Variants in FBXW8 observed in about 807,000 individuals in gnomAD.
FBXW8 encodes F-box and WD repeat domain containing 8.
Under a neutral mutation model 65.3 loss-of-function variants are expected in FBXW8, and 57 were observed. The observed-to-expected ratio is 0.87, with a 90% confidence interval of 0.71 to 1.09. The LOEUF is 1.09. Ranked by LOEUF, FBXW8 falls within the 50% of genes least tolerant of loss-of-function variation. The pLI is 0.00. For missense variants in FBXW8, 777 were observed against 814.8 expected (o/e 0.95, Z 0.57); for synonymous variants, 308 against 330.2 (o/e 0.93, Z 0.73).
In FBXW8 at chr12:116,997,877, G is replaced by A. The variant is rs147213052; in HGVS notation, c.1239+9008G>A. Among the ~76,000 whole-genome samples the A allele has an allele frequency of 8.0e-3, 1,225 of 152,206 alleles. 13 individuals carry two copies. The highest frequency in any genetic ancestry group is 0.026 in the African/African-American group (1,064 of 41,538). ...ATCACCCAGGCCAGAGTGCAGTGGC[G>A]CCATCTCAGCTCACTACAACCTCTG... On this transcript the variant is annotated intron_variant, in intron 7 of 10. Transcript: ENST00000652555.
At chr12:116,928,839 T>G (rs1881545917) in intron 2 of FBXW8, among the ~76,000 whole-genome samples, 3 of 152,010 alleles carry the variant, frequency 2.0e-5, no homozygotes, top group Admixed American at 2.0e-4. Flanking sequence ...GAGATGGAGT[T>G]TTGCTCTGTC....
rs748225803 is a variant in FBXW8, at chr12:116,911,000, G to A, written c.-38G>A. Reference sequence around the variant, plus strand: ...GCGGGACTGTCTCGTGGCACCCGGTGGAACCGAGGAGAACGTGGAGCGCCG... The same window carrying A: ...GCGGGACTGTCTCGTGGCACCCGGTAGAACCGAGGAGAACGTGGAGCGCCG... On this transcript the variant is annotated 5_prime_UTR_variant, in exon 1 of 11. Transcript: ENST00000652555. 88 of 1,364,368 alleles carry A rather than the reference G, an allele frequency of 6.4e-5. No individual in the cohort carries two copies. The highest frequency in any genetic ancestry group is 1.1e-4 in the Admixed American group (3 of 26,144). The allele number at this position is 1,364,368 out of a possible 1,614,324, so 84.5% of individuals were successfully genotyped here. A position where few individuals can be genotyped will look rare whatever the true frequency, so the allele number is the denominator to read the frequency against.
chr12:116,943,160 T>C lies in FBXW8; in HGVS notation c.424-2204T>C, dbSNP rs953683016. Among the ~76,000 whole-genome samples, 96 of 152,226 alleles carry C rather than the reference T, an allele frequency of 6.3e-4. 1 individual carries two copies. Among genetic ancestry groups the C allele is most frequent in the African/African-American group, 2.1e-3 (89 of 41,462 alleles). Reference sequence around the variant, plus strand: ...TTTAGTATTTTGAACATATTTGAAATAGCTGATTTAAAGTCTCTGTTTAGT... The same window carrying C: ...TTTAGTATTTTGAACATATTTGAAACAGCTGATTTAAAGTCTCTGTTTAGT... On this transcript the variant is annotated intron_variant, in intron 2 of 10. Coordinates refer to ENST00000652555, the MANE Select transcript of FBXW8 (RefSeq NM_153348.3).
chr12:116,945,926 A>G (rs1372739212), intron 3 of FBXW8, among the ~76,000 whole-genome samples: 1 of 152,250 alleles, frequency 6.6e-6, no homozygotes, highest in Non-Finnish European at 1.5e-5. Context: ...AGTAAATGTA[A>G]GAGGGAGATG....
chr12:116,981,175 A>C (rs1215269174), intron 5 of FBXW8, among the ~76,000 whole-genome samples: 1 of 152,222 alleles, frequency 6.6e-6, no homozygotes, highest in Non-Finnish European at 1.5e-5. Context: ...CAGTTTTGAG[A>C]TTATAAAAGT....
intron 1 of FBXW8, among the ~76,000 whole-genome samples, chr12:116,914,875 C>G (rs1321149308): frequency 6.6e-6 from 1 of 152,074 alleles, no homozygotes; most frequent in Admixed American, 6.5e-5. Flanking sequence ...AATTCCATCT[C>G]AAAAAATAAA....
chr12:116,955,631 G>C (rs1309817213), intron 4 of FBXW8, among the ~76,000 whole-genome samples: 1 of 152,184 alleles, frequency 6.6e-6, no homozygotes, highest in African/African-American at 2.4e-5. Flanking sequence ...ACAGCTCTTA[G>C]AATTTTAGAA....
intron 7 of FBXW8, 81 bp from the exon 8 acceptor site, chr12:117,010,242 T>C (rs1953770347): frequency 1.3e-6 from 2 of 1,596,800 alleles, no homozygotes; most frequent in Non-Finnish European, 1.7e-6. Context: ...GATCATGCCC[T>C]CCACGATGGT....
Position 116,912,451 on chromosome 12 carries a change from C to CTTTT in FBXW8, c.318+1114_318+1117dup, listed in dbSNP as rs34430069. On this transcript the variant is annotated intron_variant, in intron 1 of 10. Transcript: ENST00000652555. ...GTGATCCTCCCAATTGAGAATCATT[C>CTTTT]TTTTTTTTTTTTTTTTTTTTTGAGA... Among the ~76,000 whole-genome samples, 385 of 86,430 alleles carry CTTTT rather than the reference C, an allele frequency of 4.5e-3. 7 individuals are homozygous for CTTTT. The highest frequency in any genetic ancestry group is 0.013 in the African/African-American group (346 of 26,006). 56.7% of individuals were successfully genotyped at this position (86,430 alleles called of 152,430 possible).
Position 116,911,184 on chromosome 12 carries a change from C to G in FBXW8, c.147C>G (p.Ala49=), listed in dbSNP as rs1045380958. ...PEVGSGRGEQ[A]SGDPALAQRL... ...TGGGCTCCGGGCGCGGCGAACAGGC[C>G]TCGGGGGACCCGGCGCTGGCCCAGC... The change falls in exon 1 of 11, where the codon GCC becomes GCG. Residue 49 remains alanine, a synonymous_variant. Coordinates refer to ENST00000652555, the MANE Select transcript of FBXW8 (RefSeq NM_153348.3). 281 of 1,299,982 alleles carry G rather than the reference C, an allele frequency of 2.2e-4. No homozygotes were observed. Among genetic ancestry groups the G allele is most frequent in the Non-Finnish European group, 2.6e-4 (265 of 1,030,666 alleles). 80.5% of individuals were successfully genotyped at this position (1,299,982 alleles called of 1,614,324 possible).
intron 5 of FBXW8, among the ~76,000 whole-genome samples, chr12:116,982,659 A>C (rs1420668894): frequency 6.7e-6 from 1 of 149,380 alleles, no homozygotes; most frequent in East Asian, 1.9e-4. Context: ...GACTCTTCTC[A>C]GGATAGCTCT....
chr12:117,013,376 G>T (rs1271200211), intron 8 of FBXW8, among the ~76,000 whole-genome samples: 2 of 152,324 alleles, frequency 1.3e-5, no homozygotes, highest in East Asian at 1.9e-4. Context: ...GATGGGAGCG[G>T]AGAGAAAAGT....
At chr12:116,934,891 G>C (rs936922780) in intron 2 of FBXW8, among the ~76,000 whole-genome samples, 8 of 152,164 alleles carry the variant, frequency 5.3e-5, no homozygotes, top group Non-Finnish European at 8.8e-5. Flanking sequence ...TTCATCACGA[G>C]AATCTCTTGT....
rs117348722 is a variant in FBXW8, at chr12:117,024,273, C to T, written c.1494C>T (p.Ser498=). 214 of 1,614,128 alleles carry T rather than the reference C, an allele frequency of 1.3e-4. 3 individuals are homozygous for T. In the East Asian group the frequency reaches 2.9e-3, roughly 22 times the overall value. Residue 498 remains serine (S), a synonymous_variant, in exon 9 of 11, where the codon TCC becomes TCT. Coordinates refer to ENST00000652555, the MANE Select transcript of FBXW8 (RefSeq NM_153348.3). ...GTGGAGGCGAGGAAGGCCTGGTGTCCGTGTGGGATTATCGGATGAACCAGA... is the reference window on the plus strand; with the variant it reads ...GTGGAGGCGAGGAAGGCCTGGTGTCTGTGTGGGATTATCGGATGAACCAGA... ...IVSGGEEGLV[S]VWDYRMNQKL...
In FBXW8 at chr12:117,025,947, ACTGCCTCTGTCCCTGTG is replaced by A. The variant is rs562475180; in HGVS notation, c.1542-1445_1542-1429del. 1.1e-4 allele frequency among the ~76,000 whole-genome samples: 17 copies of A among 152,320 alleles called. No homozygotes were observed. The South Asian group carries it at 3.5e-3, about 32-fold the overall frequency. On this transcript the variant is annotated intron_variant, in intron 9 of 10. Coordinates refer to ENST00000652555, the MANE Select transcript of FBXW8 (RefSeq NM_153348.3). ...CCCAGAGGTGTGGCCCTGTCCCAGC[ACTGCCTCTGTCCCTGTG>A]CGGTCCAGGCTTGTCCCCCACGTGG...
rs1883978221 is a variant in FBXW8, at chr12:116,961,429, A to G, written c.678-3268A>G. 6.6e-6 allele frequency among the ~76,000 whole-genome samples: 1 copy of G among 152,078 alleles called. No individual in the cohort carries two copies. Among genetic ancestry groups the G allele is most frequent in the South Asian group, 2.1e-4 (1 of 4,824 alleles). ...CAGAGAATCAGAGTTCAGAGGCAAG[A>G]GCATTTGGGATCCTCTCTGGAAGCC... On this transcript the variant is annotated intron_variant, in intron 4 of 10. Transcript: ENST00000652555. This position sits in a 1 kb window ranked among gnomAD's most constrained non-coding sequence, Gnocchi z 4.4.
chr12:117,010,481 GCCCCATGGCTTCTGCCAAGGCCCGGC>G, intron 8 of FBXW8, 31 bp downstream of exon 8: 1 of 1,613,954 alleles, frequency 6.2e-7, no homozygotes, highest in South Asian at 1.1e-5. Flanking sequence ...TTGCCTTGCA[GCCCCATGGCTTCTGCCAAGGCCCGGC>G]CCCCACTGCG....
intron 1 of FBXW8, among the ~76,000 whole-genome samples, chr12:116,922,258 T>G (rs551575046): frequency 2.6e-5 from 4 of 152,154 alleles, no homozygotes; most frequent in Admixed American, 6.5e-5. Flanking sequence ...AGTTTTTTTC[T>G]TCTCAAAGAA....
chr12:116,999,943 T>G (rs1953471992), intron 7 of FBXW8, among the ~76,000 whole-genome samples: 1 of 151,634 alleles, frequency 6.6e-6, no homozygotes, highest in Non-Finnish European at 1.5e-5. Context: ...ATCAGAGCTC[T>G]GGCCCTGAGC....
Sources: allele counts gnomAD v4.1 joint callset (sites outside exome capture counted in the v4.1 genomes callset), GRCh38; gene constraint gnomAD v4.1.1; non-coding constraint Gnocchi (gnomAD v3.1); transcripts MANE v1.5; gene names NCBI Gene and HGNC (gene_info 2026-07-23, HGNC 2026-07-21).